SNTB2: variants seen among roughly 807,000 people sequenced by gnomAD.
The protein encoded by SNTB2 is syntrophin beta 2.
Under a neutral mutation model 46.2 loss-of-function variants are expected in SNTB2, and 34 were observed. That is an observed-to-expected ratio of 0.74 (90% CI 0.56 to 0.98). The LOEUF (loss-of-function observed/expected upper bound fraction) is 0.98. Ranked by LOEUF, SNTB2 falls within the 50% of genes least tolerant of loss-of-function variation. SNTB2 has a pLI of 0.00. For synonymous variants in SNTB2, 290 were observed against 312.6 expected, an observed-to-expected ratio of 0.93 and a Z score of 0.76; for missense variants, 603 against 731.4, an observed-to-expected ratio of 0.82 and a Z score of 2.02.
At chr16:69,197,395 A>G (rs894369668) in intron 1 of SNTB2, among the ~76,000 whole-genome samples, 3 of 152,182 alleles carry the variant, frequency 2.0e-5, no homozygotes, top group African/African-American at 7.2e-5. Flanking sequence ...TGATGTTCAA[A>G]CTTCAGCAAA....
chr16:69,237,951 C>T (rs142749473), intron 1 of SNTB2, among the ~76,000 whole-genome samples: 2 of 152,214 alleles, frequency 1.3e-5, no homozygotes, highest in East Asian at 3.9e-4. Flanking sequence ...TTCTGCCTAC[C>T]TCCTTCTTTT....
intron 2 of SNTB2, among the ~76,000 whole-genome samples, chr16:69,247,345 G>A (rs1169642636): frequency 6.6e-6 from 1 of 152,196 alleles, no homozygotes; most frequent in East Asian, 1.9e-4. Context: ...AAGTGGCACT[G>A]GTAGACCGAA....
At chr16:69,241,336 C>T (rs1477030964) in intron 1 of SNTB2, among the ~76,000 whole-genome samples, 1 of 151,142 alleles carries the variant, frequency 6.6e-6, no homozygotes, top group Non-Finnish European at 1.5e-5. Flanking sequence ...GCCACCGCAC[C>T]CGGCAAATTT....
chr16:69,266,408 A>G (rs1055327124), intron 3 of SNTB2, among the ~76,000 whole-genome samples: 2 of 152,126 alleles, frequency 1.3e-5, no homozygotes, highest in Admixed American at 1.3e-4. Context: ...GTTAAGGCAA[A>G]TAGGCAATCA....
At chr16:69,281,442 G>T (rs1489009735) in intron 4 of SNTB2, among the ~76,000 whole-genome samples, 2 of 148,710 alleles carry the variant, frequency 1.3e-5, no homozygotes, top group East Asian at 3.9e-4. Context: ...TTAGGTCAAA[G>T]ATCCATTTTG....
intron 1 of SNTB2, among the ~76,000 whole-genome samples, chr16:69,244,736 TTAGATCA>T (rs1404871845): frequency 6.6e-6 from 1 of 152,232 alleles, no homozygotes. Flanking sequence ...TTTGTGCTTA[TTAGATCA>T]TACCTTATCT....
chr16:69,257,267 G>C (rs1964786591), intron 2 of SNTB2, among the ~76,000 whole-genome samples: 1 of 151,720 alleles, frequency 6.6e-6, no homozygotes, highest in African/African-American at 2.4e-5. Context: ...AATATGTTTA[G>C]GTATAGAATA....
Position 69,245,694 on chromosome 16 carries a change from T to A in SNTB2, c.673T>A (p.Phe225Ile). Residue 225 changes from phenylalanine to isoleucine, a missense_variant, in exon 2 of 7, where the codon TTT (phenylalanine) becomes ATT (isoleucine). By Grantham distance (21) the Phe-to-Ile change is conservative. Coordinates refer to ENST00000336278, the MANE Select transcript of SNTB2 (RefSeq NM_006750.4). ...WEGAAPQSPS[F>I]SGSEDSGSPK... ...AGGTGCAGCCCCCCAGTCACCAAGC[T>A]TTAGTGGCAGTGAGGACTCTGGTTC... 6.2e-7 allele frequency: 1 copy of A among 1,614,058 alleles called. No homozygotes were observed. Among genetic ancestry groups the A allele is most frequent in the Non-Finnish European group, 8.5e-7 (1 of 1,180,008 alleles).
intron 1 of SNTB2, among the ~76,000 whole-genome samples, chr16:69,212,597 A>G (rs1013733383): frequency 1.3e-5 from 2 of 152,052 alleles, no homozygotes; most frequent in Non-Finnish European, 2.9e-5. Context: ...TCGGCCTCCC[A>G]AAGTGCTGGG....
intron 4 of SNTB2, among the ~76,000 whole-genome samples, chr16:69,273,026 A>T (rs1964953337): frequency 6.6e-6 from 1 of 152,204 alleles, no homozygotes; most frequent in Non-Finnish European, 1.5e-5. Flanking sequence ...TCAAAACCAC[A>T]GTGAGATATC....
rs554463704 is a variant in SNTB2, at chr16:69,294,090, C to T, written c.1346-5500C>T. 4.6e-5 allele frequency among the ~76,000 whole-genome samples: 7 copies of T among 152,254 alleles called. No individual in the cohort carries two copies. The East Asian group carries it at 9.6e-4, about 21-fold the overall frequency. On this transcript the variant is annotated intron_variant, in intron 5 of 6. Transcript: ENST00000336278. ...TTGCCCAGGCTGGAGAGCAGTGTCA[C>T]GAACATGGCTCACTGCATCCAGGCT... is the stretch of plus-strand genomic sequence containing the variant.
chr16:69,275,092 A>G (rs1387092937), intron 4 of SNTB2, among the ~76,000 whole-genome samples: 1 of 133,552 alleles, frequency 7.5e-6, no homozygotes, highest in Non-Finnish European at 1.5e-5. Context: ...TTTTTTTCTG[A>G]CGAACTCTCA....
chr16:69,292,413 ATATATTATATATATATATATAT>A (rs1486361095), intron 5 of SNTB2, among the ~76,000 whole-genome samples: 3,908 of 22,978 alleles, frequency 0.17, 768 homozygotes, highest in East Asian at 0.21. Context: ...TATATTATAT[ATATATTATATATATATATATAT>A]TATATATATA....
intron 1 of SNTB2, among the ~76,000 whole-genome samples, chr16:69,196,382 T>C (rs1164553405): frequency 6.6e-6 from 1 of 151,056 alleles, no homozygotes; most frequent in Non-Finnish European, 1.5e-5. Context: ...TTTTCTTTTT[T>C]TTTTTTTTTT....
At chr16:69,253,893 G>A (rs1478941892) in intron 2 of SNTB2, among the ~76,000 whole-genome samples, 2 of 152,144 alleles carry the variant, frequency 1.3e-5, no homozygotes, top group African/African-American at 4.8e-5. Flanking sequence ...CCTAGGAATT[G>A]TATGATGTGT....
At chr16:69,197,347 G>A (rs72789256) in intron 1 of SNTB2, among the ~76,000 whole-genome samples, 4,364 of 152,262 alleles carry the variant, frequency 0.029, 80 homozygotes, top group Non-Finnish European at 0.044. Flanking sequence ...GTTTAGAGGG[G>A]AAAGGCATGT....
chr16:69,213,793 C>T (rs1597174793), intron 1 of SNTB2, among the ~76,000 whole-genome samples: 1 of 149,740 alleles, frequency 6.7e-6, no homozygotes, highest in African/African-American at 2.5e-5. Flanking sequence ...CCACCGTGCC[C>T]AGCTGATAAA....
chr16:69,205,539 G>GT, intron 1 of SNTB2, among the ~76,000 whole-genome samples: 1 of 152,028 alleles, frequency 6.6e-6, no homozygotes, highest in South Asian at 2.1e-4. Flanking sequence ...GTGGCCCCTT[G>GT]TAAGGCAAGA....
chr16:69,284,769 G>A (rs536862051), intron 5 of SNTB2, among the ~76,000 whole-genome samples: 25 of 152,116 alleles, frequency 1.6e-4, no homozygotes, highest in South Asian at 1.0e-3. Context: ...GTGAGACTCC[G>A]TCTCAAAAAC....
Sources: gnomAD v4.1 joint callset for allele counts (sites outside exome capture counted in the v4.1 genomes callset) on GRCh38, gnomAD v4.1.1 for gene constraint, MANE v1.5 for transcripts, NCBI Gene and HGNC (gene_info 2026-07-23, HGNC 2026-07-21) for gene names.